The following PNPLA3 variants were observed in gnomAD, a reference collection of about 807,000 sequenced individuals.
PNPLA3 encodes the protein patatin like domain 3, 1-acylglycerol-3-phosphate O-acyltransferase.
Under a neutral mutation model 43.1 loss-of-function variants are expected in PNPLA3, and 42 were observed. That is an observed-to-expected ratio of 0.97 (90% CI 0.76 to 1.26). The LOEUF is 1.26. Ranked by LOEUF, PNPLA3 falls within the 50% of genes most tolerant of loss-of-function variation. The probability of loss-of-function intolerance (pLI) is 0.00; values close to 1 mark genes in which losing one functional copy is unlikely to be tolerated. For missense variants in PNPLA3, 647 were observed against 621.4 expected (o/e 1.04, Z -0.44); for synonymous variants, 272 against 253.6 (o/e 1.07, Z -0.69).
At position 43,932,941 on chromosome 22, in the gene PNPLA3, G is replaced by A. The variant is rs201295166; in HGVS notation, c.550G>A (p.Val184Met). Residue 184 changes from valine to methionine, a missense_variant, in exon 4 of 9, where the codon GTG (valine) becomes ATG (methionine). Coordinates refer to ENST00000216180, the MANE Select transcript of PNPLA3 (RefSeq NM_025225.3). ...CATTGATGCCAAAACAACCATCACC[G>A]TGTCCCCCTTCTATGGGGAGTACGA... is the stretch of plus-strand genomic sequence containing the variant. ...PFIDAKTTITVSPFYGEYDIC... is the reference protein window; with the variant it reads ...PFIDAKTTITMSPFYGEYDIC... 33 of 1,614,182 alleles carry A rather than the reference G, an allele frequency of 2.0e-5. No homozygotes were observed. Among genetic ancestry groups the A allele is most frequent in the Admixed American group, 1.0e-4 (6 of 60,018 alleles).
At chr22:43,937,338 A>G (rs1441086621) in intron 6 of PNPLA3, 66 bp downstream of exon 6, 16 of 1,463,088 alleles carry the variant, frequency 1.1e-5, no homozygotes, top group African/African-American at 4.2e-5. Context: ...ATGGAGGAAG[A>G]TGGTACTGCC....
chr22:43,934,670 T>C lies in PNPLA3; in HGVS notation c.757+4T>C, dbSNP rs1233721285. 3.7e-6 allele frequency: 6 copies of C among 1,610,022 alleles called. No individual in the cohort carries two copies. The highest frequency in any genetic ancestry group is 5.1e-6 in the Non-Finnish European group (6 of 1,176,260). On this transcript the variant is annotated splice_donor_region_variant and intron_variant, in intron 5 of 8. Transcript: ENST00000216180. Reference sequence around the variant, plus strand: ...TTCAGGTTCTTGGAAGAGAAGGGTATGTATGGGCTGGGAGGATCAGCCATG... The same window carrying C: ...TTCAGGTTCTTGGAAGAGAAGGGTACGTATGGGCTGGGAGGATCAGCCATG...
rs1183918094 is a variant in PNPLA3, at chr22:43,928,941, C to T, written c.486+52C>T. ...GAGTCCTGGGGGCCTCTGAAGTGTG[C>T]TCACACATCTCCTGCCTGCAGGGCA... is the stretch of plus-strand genomic sequence containing the variant. On this transcript the variant is annotated intron_variant, in intron 3 of 8. Coordinates refer to ENST00000216180, the MANE Select transcript of PNPLA3 (RefSeq NM_025225.3). The T allele has an allele frequency of 2.0e-6, 3 of 1,513,244 alleles. No homozygotes were observed. The Admixed American group carries it at 5.0e-5, about 25-fold the overall frequency. 93.7% of individuals were successfully genotyped at this position (1,513,244 alleles called of 1,614,324 possible).
intron 2 of PNPLA3, 65 bp downstream of exon 2, chr22:43,927,232 C>T: frequency 1.4e-6 from 2 of 1,466,768 alleles, no homozygotes; most frequent in East Asian, 2.3e-5. Flanking sequence ...GGTGTGGTGG[C>T]TCATGCCTGT....
At chr22:43,936,741 C>A (rs886614445) in intron 5 of PNPLA3, among the ~76,000 whole-genome samples, 1 of 152,218 alleles carries the variant, frequency 6.6e-6, no homozygotes, top group African/African-American at 2.4e-5. Context: ...GCCTGGAAGG[C>A]AGGTGTAACC....
Position 43,924,199 on chromosome 22 carries a change from G to A in PNPLA3, c.187+101G>A, listed in dbSNP as rs913033774. 9 of 1,281,176 alleles carry A rather than the reference G, an allele frequency of 7.0e-6. No homozygotes were observed. In the African/African-American group the frequency reaches 7.9e-5, roughly 11 times the overall value. 79.4% of individuals were successfully genotyped at this position (1,281,176 alleles called of 1,614,324 possible). A position where few individuals can be genotyped will look rare whatever the true frequency, so the allele number is the denominator to read the frequency against. ...GGGTCGCGGGGCCCTGGAGGAGCGG[G>A]CATCGGACGCGGACACGGCGGGGTG... On this transcript the variant is annotated intron_variant, in intron 1 of 8. Transcript: ENST00000216180.
intron 6 of PNPLA3, 22 bp downstream of exon 6, chr22:43,937,294 C>A: frequency 6.3e-7 from 1 of 1,598,112 alleles, no homozygotes. Context: ...TCGGGGTGAG[C>A]ACGGGCAGCA....
intron 7 of PNPLA3, among the ~76,000 whole-genome samples, chr22:43,941,018 A>C (rs2050027300): frequency 6.6e-6 from 1 of 151,760 alleles, no homozygotes; most frequent in Non-Finnish European, 1.5e-5. Context: ...GCATGCCTGT[A>C]ATCCCAGCTA....
intron 7 of PNPLA3, among the ~76,000 whole-genome samples, chr22:43,943,913 T>C (rs368303711): frequency 3.3e-5 from 5 of 152,210 alleles, no homozygotes; most frequent in East Asian, 1.9e-4. Context: ...TTCAGTCTCC[T>C]GAGTAGCTGG....
Position 43,933,711 on chromosome 22 carries a change from A to T in PNPLA3, c.696+624A>T, listed in dbSNP as rs1339986668. On this transcript the variant is annotated intron_variant, in intron 4 of 8. Coordinates refer to ENST00000216180, the MANE Select transcript of PNPLA3 (RefSeq NM_025225.3). ...CTTATTTGGAAACACGGTCAAGAAC[A>T]ACTGCGTTCGGTAGTTTAACCTTTT... Among the ~76,000 whole-genome samples, 3 of 152,340 alleles carry T rather than the reference A, an allele frequency of 2.0e-5. No individual in the cohort carries two copies. In the East Asian group the frequency reaches 5.8e-4, roughly 29 times the overall value.
At chr22:43,929,015 C>T in intron 3 of PNPLA3, 126 bp downstream of exon 3, 1 of 965,926 alleles carries the variant, frequency 1.0e-6, no homozygotes, top group Non-Finnish European at 1.6e-6. Context: ...CCCCATGCCT[C>T]ACTGCCTTTC....
chr22:43,929,033 G>A (rs1603416020), intron 3 of PNPLA3, 144 bp downstream of exon 3: 2 of 840,654 alleles, frequency 2.4e-6, no homozygotes, highest in Non-Finnish European at 3.9e-6. Flanking sequence ...TTCAGACAGA[G>A]TAGCCACAGC....
chr22:43,934,550 A>T (rs369053543), intron 4 of PNPLA3, 56 bp from the exon 5 acceptor site: 2 of 1,513,650 alleles, frequency 1.3e-6, no homozygotes, highest in Non-Finnish European at 1.8e-6. Context: ...ATGATGCTGA[A>T]ATAAATGGTG....
At position 43,946,442 on chromosome 22, in the gene PNPLA3, G is replaced by A; in HGVS notation, c.*60G>A. 1.3e-6 allele frequency: 2 copies of A among 1,492,642 alleles called. No homozygotes were observed. Among genetic ancestry groups the A allele is most frequent in the South Asian group, 1.1e-5 (1 of 88,268 alleles). 92.5% of individuals were successfully genotyped at this position (1,492,642 alleles called of 1,614,324 possible). A position where few individuals can be genotyped will look rare whatever the true frequency, so the allele number is the denominator to read the frequency against. ...AGAGGTGCTAAAGTTTCCCATCTTT[G>A]TGCAGCTACCTCCGCATTGCTGTGT... On this transcript the variant is annotated 3_prime_UTR_variant, in exon 9 of 9. Transcript: ENST00000216180.
intron 1 of PNPLA3, among the ~76,000 whole-genome samples, chr22:43,926,128 C>G (rs780672305): frequency 1.4e-4 from 21 of 152,240 alleles, no homozygotes; most frequent in Non-Finnish European, 2.6e-4. Context: ...GACACAGCAC[C>G]TCAGTGCATC....
intron 7 of PNPLA3, among the ~76,000 whole-genome samples, chr22:43,942,121 T>C (rs1019444586): frequency 2.0e-5 from 3 of 152,180 alleles, no homozygotes; most frequent in African/African-American, 7.2e-5. Flanking sequence ...CTTTTTAAGA[T>C]CATTGGGAAG....
intron 3 of PNPLA3, among the ~76,000 whole-genome samples, chr22:43,929,133 C>G (rs1180518789): frequency 6.6e-6 from 1 of 152,200 alleles, no homozygotes; most frequent in Non-Finnish European, 1.5e-5. Context: ...GGCTGGTTCA[C>G]TTAATCTGCA....
rs766899046 is a variant in PNPLA3 at position 43,934,642 on chromosome 22, G to A, written c.733G>A (p.Ala245Thr). 1.9e-6 allele frequency: 3 copies of A among 1,613,904 alleles called. No individual in the cohort carries two copies. In the East Asian group the frequency reaches 6.7e-5, roughly 36 times the overall value. Residue 245 changes from alanine (A) to threonine (T), a missense_variant, in exon 5 of 9, where the codon GCA becomes ACA. By Grantham distance (58) the Ala-to-Thr change is moderately conservative. Transcript: ENST00000216180. ...GATATGCCTTCGAGGATATTTGGAT[G>A]CATTCAGGTTCTTGGAAGAGAAGGG... is the stretch of plus-strand genomic sequence containing the variant. ...GEICLRGYLDAFRFLEEKGIC... is the reference protein window; with the variant it reads ...GEICLRGYLDTFRFLEEKGIC...
rs2034279302 is a variant in PNPLA3 at position 43,946,379 on chromosome 22, G to T, written c.1443G>T (p.Leu481=). ...TFPSFSLEKS[L] is the part of the protein sequence containing the mutation. The stretch of plus-strand genomic sequence containing the variant: ...CCAGTTTTTCACTAGAGAAGAGTCT[G>T]TGAGTCACTTGAGGAGGCGAGTCTA... The change falls in exon 9 of 9, where the codon CTG becomes CTT. Residue 481 remains leucine, a synonymous_variant. Coordinates refer to ENST00000216180, the MANE Select transcript of PNPLA3 (RefSeq NM_025225.3). 1.2e-6 allele frequency: 2 copies of T among 1,613,712 alleles called. No homozygotes were observed. The highest frequency in any genetic ancestry group is 2.2e-5 in the South Asian group (2 of 91,076).
Sources: gnomAD v4.1 joint callset for allele counts (sites outside exome capture counted in the v4.1 genomes callset) on GRCh38, gnomAD v4.1.1 for gene constraint, MANE v1.5 for transcripts, NCBI Gene and HGNC (gene_info 2026-07-23, HGNC 2026-07-21) for gene names.